Variants in PLPP4 observed in about 807,000 individuals in gnomAD.
PLPP4 encodes phospholipid phosphatase 4, also known as diacylglycerol pyrophosphate like 2.
PLPP4 carries 20 observed loss-of-function variants against 32.2 expected under a neutral mutation model. That is an observed-to-expected ratio of 0.62 (90% CI 0.44 to 0.90). The LOEUF is 0.90. PLPP4 is among the 40% of genes least tolerant of loss of function. PLPP4 has a pLI of 0.00. For synonymous variants in PLPP4, 127 were observed against 133.0 expected (o/e 0.95, Z 0.31); for missense variants, 257 against 353.1 (o/e 0.73, Z 2.18).
intron 5 of PLPP4, among the ~76,000 whole-genome samples, chr10:120,529,415 G>T (rs1846593561): frequency 6.6e-6 from 1 of 152,164 alleles, no homozygotes; most frequent in Non-Finnish European, 1.5e-5. Context: ...CACTCTCCAA[G>T]TTCCTGGTCT....
intron 5 of PLPP4, among the ~76,000 whole-genome samples, chr10:120,540,096 T>C (rs1289750980): frequency 6.6e-6 from 1 of 152,094 alleles, no homozygotes; most frequent in Non-Finnish European, 1.5e-5. Flanking sequence ...TCCCATACTT[T>C]ATAAATAAGA....
At position 120,514,010 on chromosome 10, in the gene PLPP4, T is replaced by G. The variant is rs1845835211; in HGVS notation, c.256+9T>G. 6.3e-7 allele frequency: 1 copy of G among 1,594,932 alleles called. No individual in the cohort carries two copies. The highest frequency in any genetic ancestry group is 1.7e-5 in the Admixed American group (1 of 59,974). ...TAAGGAAGCCTTCTTAGGTAGAGTA[T>G]TCACAGTTCCTGCTTTAGGGAATGG... On this transcript the variant is annotated intron_variant, in intron 3 of 6. Coordinates refer to ENST00000398250, the MANE Select transcript of PLPP4 (RefSeq NM_001030059.3).
chr10:120,518,400 T>C (rs924508253), intron 3 of PLPP4, among the ~76,000 whole-genome samples: 2 of 152,190 alleles, frequency 1.3e-5, no homozygotes, highest in African/African-American at 4.8e-5. Flanking sequence ...AATGTCCTTT[T>C]CTGCAGTAGG....
At chr10:120,571,034 G>A (rs1848910511) in intron 5 of PLPP4, among the ~76,000 whole-genome samples, 1 of 149,670 alleles carries the variant, frequency 6.7e-6, no homozygotes, top group African/African-American at 2.5e-5. Context: ...GAAAGCGAGG[G>A]ACATATGCTC....
intron 1 of PLPP4, among the ~76,000 whole-genome samples, chr10:120,462,768 G>A (rs576080649): frequency 2.0e-5 from 3 of 147,820 alleles, no homozygotes; most frequent in South Asian, 2.1e-4. Flanking sequence ...TTTGAACAGG[G>A]GCTCCTTCCA....
intron 5 of PLPP4, among the ~76,000 whole-genome samples, chr10:120,561,291 C>A (rs1217736557): frequency 6.6e-6 from 1 of 152,144 alleles, no homozygotes; most frequent in Non-Finnish European, 1.5e-5. Context: ...GTTTTGCTTT[C>A]TCCTCTAAAT....
At chr10:120,524,140 G>A (rs1010909554) in intron 5 of PLPP4, among the ~76,000 whole-genome samples, 3 of 152,150 alleles carry the variant, frequency 2.0e-5, no homozygotes, top group African/African-American at 7.2e-5. Context: ...ATTCTACCCA[G>A]TCTGTAGGCT....
At chr10:120,581,253 C>G (rs868375889) in intron 6 of PLPP4, 1 of 985,414 alleles carries the variant, frequency 1.0e-6, no homozygotes, top group African/African-American at 1.7e-5. Context: ...GGGAACCTGT[C>G]TCTTCTCAGC....
In PLPP4 at chr10:120,503,843, C is replaced by T; in HGVS notation, c.82C>T (p.Gln28Ter). Residue 28 changes from glutamine to a stop codon, truncating the protein, a stop_gained, in exon 2 of 7, where the codon CAG becomes TAG. Transcript: ENST00000398250. LOFTEE classifies it high-confidence loss of function. The stretch of plus-strand genomic sequence containing the variant: ...TTTTACAGAGTTTTTGGATCCGTTC[C>T]AGAGAGTCATCCAGCCAGAAGAGAT... ...FVFTEFLDPFQRVIQPEEIWL... is the reference protein window; with the variant it reads ...FVFTEFLDPF The T allele has an allele frequency of 6.2e-7, 1 of 1,613,876 alleles. No homozygotes were observed.
intron 5 of PLPP4, among the ~76,000 whole-genome samples, chr10:120,574,160 ACACACACACTCT>A (rs1564850044): frequency 9.3e-5 from 11 of 117,706 alleles, no homozygotes; most frequent in Admixed American, 1.9e-4. Context: ...ACACACACAC[ACACACACACTCT>A]CTCTCTCTCT....
intron 6 of PLPP4, among the ~76,000 whole-genome samples, chr10:120,583,742 A>G (rs554691228): frequency 6.6e-6 from 1 of 152,302 alleles, no homozygotes; most frequent in Non-Finnish European, 1.5e-5. Flanking sequence ...TGCCTCTTGT[A>G]GATGTTGTTC....
intron 5 of PLPP4, among the ~76,000 whole-genome samples, chr10:120,547,022 G>A (rs1847657295): frequency 6.6e-6 from 1 of 151,284 alleles, no homozygotes; most frequent in South Asian, 2.1e-4. Context: ...TATGTTCAAT[G>A]TTTTACTAGA....
At chr10:120,497,731 A>G (rs907122027) in intron 1 of PLPP4, among the ~76,000 whole-genome samples, 2 of 152,170 alleles carry the variant, frequency 1.3e-5, no homozygotes, top group Non-Finnish European at 1.5e-5. Context: ...GGAGAAATTA[A>G]GATACAAATA....
chr10:120,475,458 G>A lies in PLPP4; in HGVS notation c.56+18097G>A, dbSNP rs1031842968. ...ATTCATTGGGGGTTATATGAATGCAGCTATGTTTCTAGACAGGCTTTGTGG... is the reference window on the plus strand; with the variant it reads ...ATTCATTGGGGGTTATATGAATGCAACTATGTTTCTAGACAGGCTTTGTGG... On this transcript the variant is annotated intron_variant, in intron 1 of 6. Transcript: ENST00000398250. Among the ~76,000 whole-genome samples the A allele has an allele frequency of 2.6e-5, 4 of 152,332 alleles. No individual in the cohort carries two copies. The South Asian group carries it at 6.2e-4, about 24-fold the overall frequency.
chr10:120,542,413 C>T (rs1847389532), intron 5 of PLPP4, among the ~76,000 whole-genome samples: 1 of 152,166 alleles, frequency 6.6e-6, no homozygotes, highest in African/African-American at 2.4e-5. Context: ...TTTATGGAAG[C>T]AATTGTTAGA....
At chr10:120,569,473 A>G (rs1848834643) in intron 5 of PLPP4, among the ~76,000 whole-genome samples, 1 of 152,152 alleles carries the variant, frequency 6.6e-6, no homozygotes, top group Admixed American at 6.5e-5. Flanking sequence ...TAAGAAAAGG[A>G]GTTTATAGTC....
rs1847714739 is a variant in PLPP4 at position 120,548,026 on chromosome 10, G to A, written c.445+26931G>A. On this transcript the variant is annotated intron_variant, in intron 5 of 6. Coordinates refer to ENST00000398250, the MANE Select transcript of PLPP4 (RefSeq NM_001030059.3). ...GAACACATGTGGACCATGATGATTG[G>A]TGTTAGATTTGGGGAATTAATGTAG... Among the ~76,000 whole-genome samples, 3 of 152,072 alleles carry A rather than the reference G, an allele frequency of 2.0e-5. No individual in the cohort carries two copies. The South Asian group carries it at 6.2e-4, about 32-fold the overall frequency.
chr10:120,564,475 A>AGACCCATGAATC (rs1848594757), intron 5 of PLPP4, among the ~76,000 whole-genome samples: 2 of 151,892 alleles, frequency 1.3e-5, no homozygotes, highest in African/African-American at 4.8e-5. Flanking sequence ...CTATTAGAAC[A>AGACCCATGAATC]AGATTGTTAA....
At chr10:120,545,530 A>G (rs1405444012) in intron 5 of PLPP4, among the ~76,000 whole-genome samples, 2 of 152,044 alleles carry the variant, frequency 1.3e-5, no homozygotes, top group East Asian at 1.9e-4. Context: ...GTGTCCCTCC[A>G]GCATTTGGGA....
Sources: allele counts gnomAD v4.1 joint callset (sites outside exome capture counted in the v4.1 genomes callset), GRCh38; gene constraint gnomAD v4.1.1; transcripts MANE v1.5; gene names NCBI Gene and HGNC (gene_info 2026-07-23, HGNC 2026-07-21).